The following SSBP3 variants were observed in gnomAD, a reference collection of about 807,000 sequenced individuals.
SSBP3 encodes the protein single stranded DNA binding protein 3, also known as single-stranded DNA-binding protein 3.
In SSBP3, 5 loss-of-function variants were observed where a neutral mutation model predicts 69.6. The observed-to-expected ratio is 0.07, with a 90% CI of 0.04 to 0.15. The LOEUF (loss-of-function observed/expected upper bound fraction) is 0.15, where lower values mean the gene tolerates loss of function less well. Ranked by LOEUF, SSBP3 falls within the 10% of genes least tolerant of loss-of-function variation. SSBP3 has a pLI of 1.00. For synonymous variants in SSBP3, 196 were observed against 193.4 expected (o/e 1.01, Z -0.11); for missense variants, 312 against 534.0 (o/e 0.58, Z 4.10).
At chr1:54,316,407 AG>A (rs1395331143) in intron 4 of SSBP3, among the ~76,000 whole-genome samples, 6 of 150,614 alleles carry the variant, frequency 4.0e-5, no homozygotes, top group Non-Finnish European at 7.4e-5. Flanking sequence ...TGGGAGGCCG[AG>A]GCGGGTGGAT....
At chr1:54,251,399 C>A (rs1291423740) in intron 9 of SSBP3, among the ~76,000 whole-genome samples, 4 of 152,220 alleles carry the variant, frequency 2.6e-5, no homozygotes, top group Non-Finnish European at 5.9e-5. Flanking sequence ...CTGGTGGGGG[C>A]CCTCAACTCT....
At chr1:54,379,072 T>G (rs1412390516) in intron 4 of SSBP3, among the ~76,000 whole-genome samples, 1 of 152,216 alleles carries the variant, frequency 6.6e-6, no homozygotes, top group Non-Finnish European at 1.5e-5. Flanking sequence ...AGGTTGCTTT[T>G]GATGGCTTCC....
intron 4 of SSBP3, among the ~76,000 whole-genome samples, chr1:54,360,391 TAAAAGAATTAGC>T (rs937876000): frequency 6.6e-6 from 1 of 152,228 alleles, no homozygotes; most frequent in Non-Finnish European, 1.5e-5. Context: ...AACAAATACC[TAAAAGAATTAGC>T]AAACAAATTC....
chr1:54,382,634 G>C (rs1647738098), intron 4 of SSBP3, among the ~76,000 whole-genome samples: 1 of 152,164 alleles, frequency 6.6e-6, no homozygotes, highest in Admixed American at 6.5e-5. Context: ...GAAAGTAGTT[G>C]TTTAAAGGCA....
chr1:54,275,289 C>T (rs1570326317), intron 5 of SSBP3, among the ~76,000 whole-genome samples: 1 of 152,232 alleles, frequency 6.6e-6, no homozygotes, highest in African/African-American at 2.4e-5. Flanking sequence ...TGGGTGGGGA[C>T]CCCAGCGCCC....
chr1:54,281,950 G>T (rs1158266217), intron 4 of SSBP3, among the ~76,000 whole-genome samples: 1 of 151,974 alleles, frequency 6.6e-6, no homozygotes, highest in Non-Finnish European at 1.5e-5. Flanking sequence ...TAAAAAATTA[G>T]CTGGGTGCAG....
intron 4 of SSBP3, among the ~76,000 whole-genome samples, chr1:54,392,806 T>C (rs1432037187): frequency 1.3e-5 from 2 of 152,224 alleles, no homozygotes; most frequent in African/African-American, 2.4e-5. Context: ...GGAGCTTTCA[T>C]TCCAGAAAGG....
At chr1:54,254,577 A>G (rs1454086955) in intron 7 of SSBP3, among the ~76,000 whole-genome samples, 1 of 151,964 alleles carries the variant, frequency 6.6e-6, no homozygotes, top group Non-Finnish European at 1.5e-5. Flanking sequence ...CACTCCCCTC[A>G]CCCAAAAGGC....
intron 4 of SSBP3, among the ~76,000 whole-genome samples, chr1:54,347,250 G>C (rs923521071): frequency 5.9e-5 from 9 of 151,546 alleles, no homozygotes; most frequent in Admixed American, 1.3e-4. Context: ...TTAGAGGTGT[G>C]AGCCACCGTG....
chr1:54,236,421 T>A (rs1288785010), intron 14 of SSBP3: 1 of 152,296 alleles, frequency 6.6e-6, no homozygotes. Context: ...GCGCCCAGCC[T>A]ATGTATTTTT....
At chr1:54,265,537 G>A (rs1645086693) in intron 5 of SSBP3, among the ~76,000 whole-genome samples, 1 of 152,192 alleles carries the variant, frequency 6.6e-6, no homozygotes, top group Non-Finnish European at 1.5e-5. Flanking sequence ...TCACAGTCAG[G>A]TGGGGCTCCT....
intron 4 of SSBP3, chr1:54,286,436 A>C (rs1440694815): frequency 1.3e-5 from 2 of 152,224 alleles, no homozygotes; most frequent in Non-Finnish European, 2.9e-5. Context: ...TTCCCAGAGC[A>C]CTGCCTGAAG....
At chr1:54,330,894 G>A (rs1329774166) in intron 4 of SSBP3, among the ~76,000 whole-genome samples, 2 of 152,150 alleles carry the variant, frequency 1.3e-5, no homozygotes, top group African/African-American at 4.8e-5. Flanking sequence ...ACTGCTCCTG[G>A]TGCCAGGGAG....
intron 4 of SSBP3, among the ~76,000 whole-genome samples, chr1:54,309,284 A>G (rs1451729179): frequency 6.6e-6 from 1 of 152,196 alleles, no homozygotes; most frequent in Non-Finnish European, 1.5e-5. Context: ...AAACTGAGCC[A>G]CCCCCAAAAA....
intron 4 of SSBP3, among the ~76,000 whole-genome samples, chr1:54,360,621 G>C (rs1646936514): frequency 6.6e-6 from 1 of 152,146 alleles, no homozygotes; most frequent in Non-Finnish European, 1.5e-5. Context: ...CTAGGAGGCA[G>C]TGTGGTGCCA....
chr1:54,250,196 G>A (rs1002006090), intron 9 of SSBP3, among the ~76,000 whole-genome samples: 1 of 152,192 alleles, frequency 6.6e-6, no homozygotes, highest in South Asian at 2.1e-4. Flanking sequence ...TAGCAGAAAC[G>A]CGAACTTTGG....
intron 4 of SSBP3, among the ~76,000 whole-genome samples, chr1:54,307,772 C>T (rs530738396): frequency 5.9e-5 from 9 of 152,244 alleles, no homozygotes; most frequent in African/African-American, 1.7e-4. Flanking sequence ...CCACCTGCGC[C>T]GTGACAGTTT....
intron 11 of SSBP3, among the ~76,000 whole-genome samples, chr1:54,241,861 A>G (rs909066205): frequency 4.6e-5 from 7 of 152,212 alleles, no homozygotes; most frequent in Non-Finnish European, 1.0e-4. Flanking sequence ...CGCACCTTCC[A>G]GCCCTGCTGG....
At chr1:54,363,362 T>C (rs929909510) in intron 4 of SSBP3, among the ~76,000 whole-genome samples, 4 of 152,170 alleles carry the variant, frequency 2.6e-5, no homozygotes, top group African/African-American at 9.7e-5. Context: ...GTGTGAATCA[T>C]GAGTATTTCT....
Sources: gnomAD v4.1 joint callset for allele counts (sites outside exome capture counted in the v4.1 genomes callset) on GRCh38, gnomAD v4.1.1 for gene constraint, MANE v1.5 for transcripts, NCBI Gene and HGNC (gene_info 2026-07-23, HGNC 2026-07-21) for gene names.